TRIM45: variants seen among roughly 807,000 people sequenced by gnomAD.
TRIM45 encodes E3 ubiquitin-protein ligase TRIM45.
In TRIM45, 45 loss-of-function variants were observed where a neutral mutation model predicts 46.7. The ratio of observed to expected loss-of-function variants is 0.96; its 90% CI spans 0.76 to 1.24. The LOEUF (loss-of-function observed/expected upper bound fraction) is 1.24. Ranked by LOEUF, TRIM45 falls within the 50% of genes most tolerant of loss-of-function variation. TRIM45 has a pLI of 0.00. For missense variants in TRIM45, 680 were observed against 728.4 expected (o/e 0.93, Z 0.77); for synonymous variants, 259 against 285.8 (o/e 0.91, Z 0.94).
upstream of TRIM45, among the ~76,000 whole-genome samples, chr1:117,123,518 G>A (rs1444051110): frequency 6.6e-6 from 1 of 152,020 alleles, no homozygotes; most frequent in Non-Finnish European, 1.5e-5. Context: ...GCCTCAAAGA[G>A]GTCTTGCCAG....
rs762852506 is a variant in TRIM45, at chr1:117,113,430, AAC to A, written c.1521_1522del (p.Phe508SerfsTer49). The A allele has an allele frequency of 3.6e-5, 58 of 1,612,644 alleles. 2 individuals carry two copies. The South Asian group carries it at 6.3e-4, about 17-fold the overall frequency. On this transcript the variant is annotated frameshift_variant, in exon 5 of 6. Coordinates refer to ENST00000256649, the MANE Select transcript of TRIM45 (RefSeq NM_025188.4). LOFTEE classifies it high-confidence loss of function. This position sits in a 1 kb window ranked among gnomAD's most constrained non-coding sequence, Gnocchi z 4.0. ...GCTGGAGCAGAAGGTGCAGCAGTGA[AAC>A]ACGCCTGAGTGTGGGCGGTGCTTTC...
chr1:117,120,491 G>C (rs1650576860), intron 1 of TRIM45, among the ~76,000 whole-genome samples: 1 of 152,134 alleles, frequency 6.6e-6, no homozygotes, highest in African/African-American at 2.4e-5. Flanking sequence ...AAATTGAAAG[G>C]GTTTATTGCT....
In TRIM45 at chr1:117,113,790, T is replaced by A. The variant is rs1047153028; in HGVS notation, c.1468-305A>T. Among the ~76,000 whole-genome samples the A allele has an allele frequency of 3.3e-5, 5 of 152,028 alleles. No individual in the cohort carries two copies. The highest frequency in any genetic ancestry group is 1.2e-4 in the African/African-American group (5 of 41,372). ...TGAACCTGCTGGACACTGAAAGGAGTCACACAGTCAGCTCCATTTTCAGTG... is the reference window on the plus strand; with the variant it reads ...TGAACCTGCTGGACACTGAAAGGAGACACACAGTCAGCTCCATTTTCAGTG... On this transcript the variant is annotated intron_variant, in intron 4 of 5. Coordinates refer to ENST00000256649, the MANE Select transcript of TRIM45 (RefSeq NM_025188.4). The surrounding 1 kb of genome is among the most constrained non-coding windows in gnomAD (Gnocchi z 4.0).
upstream of TRIM45, chr1:117,122,020 G>A (rs535049340): frequency 2.5e-4 from 134 of 542,638 alleles, no homozygotes; most frequent in Non-Finnish European, 4.0e-4. Flanking sequence ...CAGCGTCACC[G>A]TTTCACAGGG....
rs961074241 is a variant in TRIM45, at chr1:117,116,400, A to ATTT, written c.1352+213_1352+215dup. Among the ~76,000 whole-genome samples the ATTT allele has an allele frequency of 6.9e-6, 1 of 145,744 alleles. No homozygotes were observed. Among genetic ancestry groups the ATTT allele is most frequent in the Non-Finnish European group, 1.5e-5 (1 of 65,820 alleles). Reference sequence around the variant, plus strand: ...AGGCATATGCCTCCACTCCCGGCTAATTTTTTTTTTTTTAATTTTGTAGAG... The same window carrying ATTT: ...AGGCATATGCCTCCACTCCCGGCTAATTTTTTTTTTTTTTTTAATTTTGTAGAG... On this transcript the variant is annotated intron_variant, in intron 3 of 5. Coordinates refer to ENST00000256649, the MANE Select transcript of TRIM45 (RefSeq NM_025188.4). The surrounding 1 kb of genome is among the most constrained non-coding windows in gnomAD (Gnocchi z 4.6).
rs1650481177 is a variant in TRIM45, at chr1:117,118,297, A to G, written c.959T>C (p.Leu320Ser). ...CACTCCAGTCCGCATGTCTGCCAGTAACTGTTCCAGCTGGGCCTTCTGCAG... is the reference window on the plus strand; with the variant it reads ...CACTCCAGTCCGCATGTCTGCCAGTGACTGTTCCAGCTGGGCCTTCTGCAG... ...LQLQKAQLEQLLADMRTGVEF... is the reference protein window; with the variant it reads ...LQLQKAQLEQSLADMRTGVEF... Residue 320 changes from leucine to serine, a missense_variant, in exon 2 of 6, where the codon TTA becomes TCA. By Grantham distance (145) the Leu-to-Ser change is moderately radical (BLOSUM62 -2). Transcript: ENST00000256649. This position sits in a 1 kb window ranked among gnomAD's most constrained non-coding sequence, Gnocchi z 5.7. 2 of 1,614,172 alleles carry G rather than the reference A, an allele frequency of 1.2e-6. No homozygotes were observed. Among genetic ancestry groups the G allele is most frequent in the South Asian group, 2.2e-5 (2 of 91,078 alleles).
chr1:117,112,868 A>G (rs1294099983), intron 5 of TRIM45, among the ~76,000 whole-genome samples: 1 of 152,228 alleles, frequency 6.6e-6, no homozygotes, highest in Non-Finnish European at 1.5e-5. Flanking sequence ...TTTATGGCCC[A>G]TTATTAGAGT....
At chr1:117,114,705 G>A (rs906895848) in intron 4 of TRIM45, among the ~76,000 whole-genome samples, 1 of 152,228 alleles carries the variant, frequency 6.6e-6, no homozygotes, top group African/African-American at 2.4e-5. Flanking sequence ...ATTGGACACT[G>A]ATCCCTGTGC....
At position 117,118,509 on chromosome 1, in the gene TRIM45, C is replaced by T; in HGVS notation, c.747G>A (p.Val249=). Residue 249 remains valine, a synonymous_variant, in exon 2 of 6, where the codon GTG becomes GTA. Coordinates refer to ENST00000256649, the MANE Select transcript of TRIM45 (RefSeq NM_025188.4). The surrounding 1 kb of genome is among the most constrained non-coding windows in gnomAD (Gnocchi z 5.7). ...GAGCCAGGGCTTCCTCCAGGGCCTC[C>T]ACGTGGGGCTGAGTACCTTTGAGGA... ...WELLKGTQPH[V]EALEEALAQI... is the part of the protein sequence containing the mutation. 2 of 1,614,196 alleles carry T rather than the reference C, an allele frequency of 1.2e-6. No individual in the cohort carries two copies. The highest frequency in any genetic ancestry group is 4.5e-5 in the East Asian group (2 of 44,878).
chr1:117,122,134 A>T (rs550236303), upstream of TRIM45: 348 of 300,478 alleles, frequency 1.2e-3, 1 homozygote, highest in African/African-American at 7.0e-3. Flanking sequence ...GACTCGTCCC[A>T]CGAACGCAGA....
rs563513129 is a variant in TRIM45 at position 117,115,628 on chromosome 1, TG to T, written c.1413del (p.Lys472ArgfsTer24). On this transcript the variant is annotated frameshift_variant, in exon 4 of 6. Coordinates refer to ENST00000256649, the MANE Select transcript of TRIM45 (RefSeq NM_025188.4). LOFTEE classifies it high-confidence loss of function. The surrounding 1 kb of genome is among the most constrained non-coding windows in gnomAD (Gnocchi z 4.2). ...KDGTYYISYT[P>X]KEPGVYTVWV... ...CACACAGTATAGACGCCAGGTTCCT[TG>T]GGGGTGTAGGAAATGTAGTATGTCC... 6.8e-6 allele frequency: 11 copies of T among 1,614,112 alleles called. No individual in the cohort carries two copies. The South Asian group carries it at 1.2e-4, about 18-fold the overall frequency.
rs371765580 is a variant in TRIM45, at chr1:117,115,243, A to G, written c.1467+332T>C. Among the ~76,000 whole-genome samples the G allele has an allele frequency of 3.9e-5, 6 of 152,168 alleles. No homozygotes were observed. The East Asian group carries it at 1.2e-3, about 29-fold the overall frequency. Reference sequence around the variant, plus strand: ...AAACTGGAAAATCCTGAGCTAGATTATATTTTTTGAATATGCATGGTTGTC... The same window carrying G: ...AAACTGGAAAATCCTGAGCTAGATTGTATTTTTTGAATATGCATGGTTGTC... On this transcript the variant is annotated intron_variant, in intron 4 of 5. Coordinates refer to ENST00000256649, the MANE Select transcript of TRIM45 (RefSeq NM_025188.4). This position sits in a 1 kb window ranked among gnomAD's most constrained non-coding sequence, Gnocchi z 4.2.
At chr1:117,123,339 C>T (rs1467302961), upstream of TRIM45, among the ~76,000 whole-genome samples, 2 of 152,276 alleles carry the variant, frequency 1.3e-5, no homozygotes, top group East Asian at 1.9e-4. Context: ...CACCTTTACC[C>T]TCCCTGCTGC....
At position 117,113,579 on chromosome 1, in the gene TRIM45, G is replaced by T; in HGVS notation, c.1468-94C>A. The T allele has an allele frequency of 6.7e-7, 1 of 1,485,316 alleles. No homozygotes were observed. The allele number at this position is 1,485,316 out of a possible 1,614,324, so 92.0% of individuals were successfully genotyped here. A position where few individuals can be genotyped will look rare whatever the true frequency, so the allele number is the denominator to read the frequency against. ...TGTGCTAAACAGAGTCTGAGGCACA[G>T]GGCCTGTCCTTGGATGGACAAGGAC... On this transcript the variant is annotated intron_variant, in intron 4 of 5. Transcript: ENST00000256649. The surrounding 1 kb of genome is among the most constrained non-coding windows in gnomAD (Gnocchi z 4.0).
upstream of TRIM45, among the ~76,000 whole-genome samples, chr1:117,123,420 CTT>C (rs967933630): frequency 5.9e-5 from 9 of 152,158 alleles, no homozygotes; most frequent in African/African-American, 2.2e-4. Flanking sequence ...TCAAGCTTCT[CTT>C]GTTTCAGAAG....
rs928221045 is a variant in TRIM45 at position 117,115,351 on chromosome 1, T to G, written c.1467+224A>C. 6.6e-6 allele frequency among the ~76,000 whole-genome samples: 1 copy of G among 152,210 alleles called. No individual in the cohort carries two copies. The highest frequency in any genetic ancestry group is 1.5e-5 in the Non-Finnish European group (1 of 68,030). On this transcript the variant is annotated intron_variant, in intron 4 of 5. Transcript: ENST00000256649. The surrounding 1 kb of genome is among the most constrained non-coding windows in gnomAD (Gnocchi z 4.2). ...AACCAACTGGGAGAATGATAAGCTA[T>G]AAGCATAACTGCCTGGAGGTGACAC...
Position 117,117,717 on chromosome 1 carries a change from C to T in TRIM45, c.1222+317G>A, listed in dbSNP as rs1328357647. ...AGGCAGAATTTCACCTGGCCCTAGT[C>T]ACTGCTGTTACCTCCAACGGGCACT... is the stretch of plus-strand genomic sequence containing the variant. On this transcript the variant is annotated intron_variant, in intron 2 of 5. Transcript: ENST00000256649. The surrounding 1 kb of genome is among the most constrained non-coding windows in gnomAD (Gnocchi z 4.9). 6.6e-6 allele frequency among the ~76,000 whole-genome samples: 1 copy of T among 152,212 alleles called. No individual in the cohort carries two copies. The highest frequency in any genetic ancestry group is 1.5e-5 in the Non-Finnish European group (1 of 68,042).
chr1:117,120,708 CT>C lies in TRIM45; in HGVS notation c.488+5del. ...AGCTACACCTGATGGAGTGTCCCATCTTTACCTATGAGCCTGGCAGCAGAAG... is the reference window on the plus strand; with the variant it reads ...AGCTACACCTGATGGAGTGTCCCATCTTACCTATGAGCCTGGCAGCAGAAG... On this transcript the variant is annotated splice_donor_5th_base_variant and intron_variant, in intron 1 of 5. Transcript: ENST00000256649. 1.3e-6 allele frequency: 2 copies of C among 1,596,782 alleles called. No individual in the cohort carries two copies. The highest frequency in any genetic ancestry group is 1.7e-6 in the Non-Finnish European group (2 of 1,170,512).
chr1:117,118,693 G>C lies in TRIM45; in HGVS notation c.563C>G (p.Pro188Arg). 6.2e-7 allele frequency: 1 copy of C among 1,613,816 alleles called. No individual in the cohort carries two copies. Among genetic ancestry groups the C allele is most frequent in the Non-Finnish European group, 8.5e-7 (1 of 1,180,048 alleles). The stretch of plus-strand genomic sequence containing the variant: ...TGCAGGGTGAACAGGACACAGGATG[G>C]GCTTCCCAATCCGGCTGTAGCCTTT... ...DLKGYSRIGK[P>R]ILCPVHPAEE... The change falls in exon 2 of 6, where the codon CCC (proline) becomes CGC (arginine). Residue 188 changes from proline (P) to arginine (R), a missense_variant. Physicochemically the swap from Pro to Arg is moderately radical, Grantham distance 103. This residue lies in a region of TRIM45 where 349 missense variants were observed against 343.6 expected (regional missense o/e 1.02). Coordinates refer to ENST00000256649, the MANE Select transcript of TRIM45 (RefSeq NM_025188.4). The surrounding 1 kb of genome is among the most constrained non-coding windows in gnomAD (Gnocchi z 5.7).
Sources: allele counts gnomAD v4.1 joint callset (sites outside exome capture counted in the v4.1 genomes callset), GRCh38; gene constraint gnomAD v4.1.1; regional missense constraint gnomAD v4.1.1; non-coding constraint Gnocchi (gnomAD v3.1); transcripts MANE v1.5; gene names NCBI Gene and HGNC (gene_info 2026-07-23, HGNC 2026-07-21).